Variants in APAF1 observed in about 807,000 individuals in gnomAD.
APAF1 encodes the protein apoptotic peptidase activating factor 1.
In APAF1, 91 loss-of-function variants were observed where a neutral mutation model predicts 152.4. That is an observed-to-expected ratio of 0.60 (90% CI 0.50 to 0.71). The LOEUF (loss-of-function observed/expected upper bound fraction) is 0.71, where lower values mean the gene tolerates loss of function less well. Among genes scored for constraint, APAF1 ranks in the 30% least tolerant of loss-of-function variants. APAF1 has a pLI of 0.00. For missense variants in APAF1, 1,283 were observed against 1,472.0 expected (o/e 0.87, Z 2.10); for synonymous variants, 484 against 494.1 (o/e 0.98, Z 0.27).
intron 16 of APAF1, among the ~76,000 whole-genome samples, chr12:98,689,915 T>C (rs1255876713): frequency 6.6e-6 from 1 of 152,258 alleles, no homozygotes; most frequent in African/African-American, 2.4e-5. Flanking sequence ...ATGTGTCTTC[T>C]GTTTCTTTGA....
Position 98,666,240 on chromosome 12 carries a change from G to C in APAF1, c.1245G>C (p.Leu415=). The change falls in exon 9 of 27, where the codon CTG becomes CTC. Residue 415 remains leucine, a synonymous_variant. Coordinates refer to ENST00000551964, the MANE Select transcript of APAF1 (RefSeq NM_181861.2). The part of the protein sequence containing the change: ...DMETEEVEDI[L]QEFVNKSLLF... ...AAACTGAAGAAGTTGAAGACATACT[G>C]CAGGAGTTTGTAAATAAGTCTCTTT... is the stretch of plus-strand genomic sequence containing the variant. The C allele has an allele frequency of 6.2e-7, 1 of 1,613,722 alleles. No individual in the cohort carries two copies.
chr12:98,727,988 A>ATT (rs2097753471), intron 26 of APAF1, among the ~76,000 whole-genome samples: 5 of 150,092 alleles, frequency 3.3e-5, no homozygotes, highest in African/African-American at 4.9e-5. Context: ...TAATTAATTA[A>ATT]AAAAATAAAT....
In APAF1 at chr12:98,698,020, G is replaced by GA. The variant is rs959423476; in HGVS notation, c.2305-1385dup. On this transcript the variant is annotated intron_variant, in intron 16 of 26. Coordinates refer to ENST00000551964, the MANE Select transcript of APAF1 (RefSeq NM_181861.2). ...TACAGTGTAGCGACTTGCTCAGAAT[G>GA]AAATGCTGGTATTAGTTTATGTGGT... is the stretch of plus-strand genomic sequence containing the variant. Among the ~76,000 whole-genome samples, 9 of 152,316 alleles carry GA rather than the reference G, an allele frequency of 5.9e-5. No individual in the cohort carries two copies. In the East Asian group the frequency reaches 1.7e-3, roughly 29 times the overall value.
chr12:98,666,703 G>A (rs2097673218), intron 9 of APAF1, among the ~76,000 whole-genome samples: 1 of 152,074 alleles, frequency 6.6e-6, no homozygotes, highest in South Asian at 2.1e-4. Context: ...CCTTTGAAGA[G>A]TACTGGCTAG....
chr12:98,658,668 T>G (rs1283464247), intron 4 of APAF1, among the ~76,000 whole-genome samples: 1 of 152,172 alleles, frequency 6.6e-6, no homozygotes, highest in Non-Finnish European at 1.5e-5. Context: ...GAGGGGTGAT[T>G]TCACACCCCC....
At chr12:98,732,289 C>A (rs1426759363) in intron 26 of APAF1, 131 bp from the exon 27 acceptor site, 1 of 784,280 alleles carries the variant, frequency 1.3e-6, no homozygotes, top group Non-Finnish European at 2.2e-6. Context: ...AGCATTAAAT[C>A]CGAGACATTT....
At chr12:98,679,096 A>G (rs7307338) in intron 13 of APAF1, among the ~76,000 whole-genome samples, 137,190 of 152,252 alleles carry the variant, frequency 0.9, 61,886 homozygotes, top group African/African-American at 0.94. Flanking sequence ...GTGGGAACTT[A>G]TAGTGCCTTT....
In APAF1 at chr12:98,723,210, G is replaced by A; in HGVS notation, c.3102G>A (p.Leu1034=). ...DAEIQVWNWQ[L]DKCIFLRGHQ... The stretch of plus-strand genomic sequence containing the variant: ...ATATTCAGGTATGGAATTGGCAATT[G>A]GACAAATGTATCTTTCTACGAGGCC... Residue 1034 remains leucine, a synonymous_variant, in exon 23 of 27, where the codon TTG becomes TTA. Transcript: ENST00000551964. The A allele has an allele frequency of 6.2e-7, 1 of 1,613,438 alleles. No homozygotes were observed. Among genetic ancestry groups the A allele is most frequent in the Non-Finnish European group, 8.5e-7 (1 of 1,179,578 alleles).
At chr12:98,652,667 C>T (rs907995090) in intron 4 of APAF1, among the ~76,000 whole-genome samples, 2 of 151,738 alleles carry the variant, frequency 1.3e-5, no homozygotes, top group African/African-American at 4.8e-5. Flanking sequence ...GCTCTTGTTG[C>T]CCAGGCTGGA....
At chr12:98,667,278 A>AT in intron 9 of APAF1, among the ~76,000 whole-genome samples, 1 of 151,118 alleles carries the variant, frequency 6.6e-6, no homozygotes, top group East Asian at 2.0e-4. Context: ...TTTATTTTTT[A>AT]TTTTTTGTAA....
rs145226502 is a variant in APAF1 at position 98,648,493 on chromosome 12, A to G, written c.134A>G (p.Asn45Ser). 1.7e-4 allele frequency: 279 copies of G among 1,613,656 alleles called. 3 individuals are homozygous for G. In the East Asian group the frequency reaches 6.2e-3, roughly 36 times the overall value. Residue 45 changes from asparagine to serine, a missense_variant, in exon 2 of 27, where the codon AAT (asparagine) becomes AGT (serine). Physicochemically the swap from Asn to Ser is conservative, Grantham distance 46. Coordinates refer to ENST00000551964, the MANE Select transcript of APAF1 (RefSeq NM_181861.2). ...LTISEEEKVR[N>S]EPTQQQRAAM... ...ATATCAGAAGAGGAAAAAGTAAGAA[A>G]TGAGGTAAAGCTCTCTGAAGCAGTC...
chr12:98,694,976 A>G (rs1032621433), intron 16 of APAF1, among the ~76,000 whole-genome samples: 1 of 150,030 alleles, frequency 6.7e-6, no homozygotes, highest in African/African-American at 2.5e-5. Flanking sequence ...TTTTGATGTC[A>G]AAGTCTTTAT....
intron 20 of APAF1, 128 bp from the exon 21 acceptor site, chr12:98,712,191 G>A: frequency 2.9e-6 from 2 of 696,466 alleles, no homozygotes; most frequent in South Asian, 3.0e-5. Flanking sequence ...ATGGCTTGTT[G>A]TTCCCCTGAG....
At chr12:98,704,398 T>A (rs1198793904) in intron 18 of APAF1, among the ~76,000 whole-genome samples, 1 of 152,208 alleles carries the variant, frequency 6.6e-6, no homozygotes, top group Non-Finnish European at 1.5e-5. Context: ...ATAGAGAAAT[T>A]CACTGGGTTC....
intron 15 of APAF1, among the ~76,000 whole-genome samples, chr12:98,684,494 C>T (rs2097695886): frequency 6.7e-6 from 1 of 149,350 alleles, no homozygotes; most frequent in African/African-American, 2.5e-5. Flanking sequence ...CTCCTCCTCC[C>T]TCCTCCTCCC....
chr12:98,674,928 C>T (rs1010549832), intron 12 of APAF1, among the ~76,000 whole-genome samples: 1 of 152,148 alleles, frequency 6.6e-6, no homozygotes, highest in Admixed American at 6.5e-5. Context: ...ATTGAATGAA[C>T]TCATGTTTCA....
chr12:98,660,896 G>C (rs2097664205), intron 5 of APAF1, among the ~76,000 whole-genome samples: 1 of 152,128 alleles, frequency 6.6e-6, no homozygotes, highest in Non-Finnish European at 1.5e-5. Flanking sequence ...CAGAATATAG[G>C]GTGAGAAGAG....
chr12:98,664,817 A>G (rs1206043474), intron 7 of APAF1, among the ~76,000 whole-genome samples: 1 of 152,042 alleles, frequency 6.6e-6, no homozygotes, highest in Non-Finnish European at 1.5e-5. Flanking sequence ...CTACAGACAC[A>G]TGTCGCCACA....
At chr12:98,646,319 A>T (rs1052060527) in intron 1 of APAF1, among the ~76,000 whole-genome samples, 2 of 152,238 alleles carry the variant, frequency 1.3e-5, no homozygotes, top group African/African-American at 4.8e-5. Flanking sequence ...TTAACATTTT[A>T]AAAAATGAGA....
Sources: allele counts gnomAD v4.1 joint callset (sites outside exome capture counted in the v4.1 genomes callset), GRCh38; gene constraint gnomAD v4.1.1; transcripts MANE v1.5; gene names NCBI Gene and HGNC (gene_info 2026-07-23, HGNC 2026-07-21).